KLF12: variants seen among roughly 807,000 people sequenced by gnomAD.
KLF12 encodes Krueppel-like factor 12.
A neutral mutation model predicts 37.8 loss-of-function variants in KLF12; 9 were observed. The ratio of observed to expected loss-of-function variants is 0.24; its 90% CI spans 0.14 to 0.42. The LOEUF is 0.42. KLF12 is among the 10% of genes least tolerant of loss of function. The pLI, the probability that KLF12 is intolerant of heterozygous loss-of-function variation, is 1.00. For synonymous variants in KLF12, 208 were observed against 202.1 expected, an observed-to-expected ratio of 1.03 and a Z score of -0.25; for missense variants, 411 against 516.0, an observed-to-expected ratio of 0.80 and a Z score of 1.97.
At chr13:74,164,180 C>T in the KLF12 span, among the ~76,000 whole-genome samples, 1 of 152,052 alleles carries the variant, frequency 6.6e-6, no homozygotes, top group Non-Finnish European at 1.5e-5. Context: ...GTCAAATGAT[C>T]ACAGACAGAT....
At chr13:74,254,272 G>C in the KLF12 span, among the ~76,000 whole-genome samples, 1 of 152,190 alleles carries the variant, frequency 6.6e-6, no homozygotes, top group East Asian at 1.9e-4. Context: ...AACAGGCCAT[G>C]AGACAGAAAA....
At chr13:74,300,738 TTTGAA>T in the KLF12 span, among the ~76,000 whole-genome samples, 1 of 152,176 alleles carries the variant, frequency 6.6e-6, no homozygotes, top group Non-Finnish European at 1.5e-5. Context: ...ATTGAGGAAA[TTTGAA>T]TTGTAAAGAT....
intron 1 of KLF12, among the ~76,000 whole-genome samples, chr13:74,129,147 G>A (rs1018447307): frequency 3.3e-5 from 5 of 152,050 alleles, no homozygotes; most frequent in African/African-American, 1.2e-4. Flanking sequence ...AAATAATGCA[G>A]TATTTGCATA....
intron 3 of KLF12, among the ~76,000 whole-genome samples, chr13:73,912,516 CAG>C (rs1213464867): frequency 6.6e-6 from 1 of 152,026 alleles, no homozygotes. Context: ...CAAGGAGAAG[CAG>C]AGACAGAGAT....
intron 1 of KLF12, among the ~76,000 whole-genome samples, chr13:74,131,084 T>C (rs1184763376): frequency 6.6e-6 from 1 of 152,198 alleles, no homozygotes. Context: ...CAAAATGCTC[T>C]CAGCATAGGC....
At chr13:73,812,637 G>T (rs188686854) in intron 5 of KLF12, among the ~76,000 whole-genome samples, 70 of 151,572 alleles carry the variant, frequency 4.6e-4, no homozygotes, top group African/African-American at 1.6e-3. Flanking sequence ...AATAAACGAG[G>T]GCTGAAATCT....
chr13:74,004,513 T>G (rs1217038904), intron 1 of KLF12, among the ~76,000 whole-genome samples: 1 of 152,214 alleles, frequency 6.6e-6, no homozygotes, highest in Non-Finnish European at 1.5e-5. Context: ...CTTAAATGAT[T>G]CTTATAAATA....
In KLF12 at chr13:73,846,390, G is replaced by A. The variant is rs1885026728; in HGVS notation, c.124-17C>T. ...GTTTGGAGACTGTGGGGAGAAAAAT[G>A]GAACATATATTTATCTTTGTTTATC... On this transcript the variant is annotated splice_polypyrimidine_tract_variant and intron_variant, in intron 3 of 7. Coordinates refer to ENST00000377669, the MANE Select transcript of KLF12 (RefSeq NM_007249.5). 1.9e-6 allele frequency: 3 copies of A among 1,592,534 alleles called. No homozygotes were observed. The highest frequency in any genetic ancestry group is 1.7e-5 in the Admixed American group (1 of 57,194).
At chr13:73,931,529 A>T (rs1349219564) in intron 3 of KLF12, among the ~76,000 whole-genome samples, 1 of 152,164 alleles carries the variant, frequency 6.6e-6, no homozygotes, top group Non-Finnish European at 1.5e-5. Flanking sequence ...AGAAGAGCAA[A>T]TTTAGCATAG....
chr13:74,137,385 A>G (rs1878592312), upstream of KLF12, among the ~76,000 whole-genome samples: 1 of 152,228 alleles, frequency 6.6e-6, no homozygotes, highest in African/African-American at 2.4e-5. Context: ...TGATTTTGAT[A>G]AAGAATGATA....
Position 73,923,347 on chromosome 13 carries a change from T to C in KLF12, c.123+20634A>G, listed in dbSNP as rs142174002. Among the ~76,000 whole-genome samples the C allele has an allele frequency of 7.9e-5, 12 of 152,300 alleles. No homozygotes were observed. The East Asian group carries it at 1.9e-3, about 25-fold the overall frequency. On this transcript the variant is annotated intron_variant, in intron 3 of 7. Coordinates refer to ENST00000377669, the MANE Select transcript of KLF12 (RefSeq NM_007249.5). Reference sequence around the variant, plus strand: ...GGCTGCTGGAGAAAGTGTCCCAGTATTACCCATATCTCACTTACTATACTT... The same window carrying C: ...GGCTGCTGGAGAAAGTGTCCCAGTACTACCCATATCTCACTTACTATACTT...
At chr13:73,859,651 TTTC>T (rs1417394464) in intron 3 of KLF12, among the ~76,000 whole-genome samples, 3 of 152,210 alleles carry the variant, frequency 2.0e-5, no homozygotes, top group African/African-American at 7.2e-5. Context: ...ATAATGTCTA[TTTC>T]TTATTTAGTT....
chr13:73,889,392 A>G (rs1293584900), intron 3 of KLF12, among the ~76,000 whole-genome samples: 1 of 152,188 alleles, frequency 6.6e-6, no homozygotes, highest in Non-Finnish European at 1.5e-5. Context: ...CTGTCTTTGA[A>G]CACCTGGAGT....
the KLF12 span, among the ~76,000 whole-genome samples, chr13:74,268,463 T>G: frequency 6.6e-6 from 1 of 152,192 alleles, no homozygotes; most frequent in Non-Finnish European, 1.5e-5. Context: ...AATTGTTATT[T>G]TGTGAGTGAA....
chr13:74,184,480 T>C, the KLF12 span, among the ~76,000 whole-genome samples: 8 of 152,286 alleles, frequency 5.3e-5, no homozygotes, highest in East Asian at 1.4e-3. Flanking sequence ...CTCCCAAGGA[T>C]GCAGCAATCT....
At chr13:73,768,425 T>A (rs945010022) in intron 5 of KLF12, among the ~76,000 whole-genome samples, 1 of 152,128 alleles carries the variant, frequency 6.6e-6, no homozygotes, top group Non-Finnish European at 1.5e-5. Flanking sequence ...CTACAGAGCC[T>A]GCAGTCTTAC....
intron 1 of KLF12, among the ~76,000 whole-genome samples, chr13:74,073,710 AAAGTAT>A (rs1280445471): frequency 1.3e-5 from 2 of 152,224 alleles, no homozygotes; most frequent in Non-Finnish European, 1.5e-5. Context: ...GCCCAAATAC[AAAGTAT>A]AAGGATTGAG....
At chr13:73,721,626 C>G (rs1259609194) in intron 6 of KLF12, among the ~76,000 whole-genome samples, 1 of 152,190 alleles carries the variant, frequency 6.6e-6, no homozygotes, top group Admixed American at 6.5e-5. Flanking sequence ...AATCATAGCT[C>G]ACCGGAGCCT....
chr13:73,811,590 T>C lies in KLF12; in HGVS notation c.806+1562A>G, dbSNP rs371016972. Among the ~76,000 whole-genome samples, 48 of 152,302 alleles carry C rather than the reference T, an allele frequency of 3.2e-4. No individual in the cohort carries two copies. In the South Asian group the frequency reaches 8.9e-3, roughly 28 times the overall value. ...AAGCTTTCTATATGCCAAAACTTTG[T>C]GACTTACTTTTCACACCTCGTAGCT... On this transcript the variant is annotated intron_variant, in intron 5 of 7. Transcript: ENST00000377669.
Sources: gnomAD v4.1 joint callset for allele counts (sites outside exome capture counted in the v4.1 genomes callset) on GRCh38, gnomAD v4.1.1 for gene constraint, MANE v1.5 for transcripts, NCBI Gene and HGNC (gene_info 2026-07-23, HGNC 2026-07-21) for gene names.